Variants in NTNG1 observed in about 807,000 individuals in gnomAD.
NTNG1 encodes the protein netrin G1, also known as netrin-G1.
A neutral mutation model predicts 54.0 loss-of-function variants in NTNG1; 16 were observed. That is an observed-to-expected ratio of 0.30 (90% CI 0.20 to 0.45). NTNG1 has a LOEUF of 0.45. NTNG1 is among the 20% of genes least tolerant of loss of function. The probability of loss-of-function intolerance (pLI) is 1.00; values close to 1 mark genes in which losing one functional copy is unlikely to be tolerated. For synonymous variants in NTNG1, 255 were observed against 263.1 expected (o/e 0.97, Z 0.30); for missense variants, 530 against 678.7 (o/e 0.78, Z 2.43).
At chr1:107,368,739 A>G (rs1670740831) in intron 3 of NTNG1, among the ~76,000 whole-genome samples, 1 of 152,216 alleles carries the variant, frequency 6.6e-6, no homozygotes, top group Admixed American at 6.5e-5. Flanking sequence ...TCAGTTGTTT[A>G]TAATCAGACA....
chr1:107,436,159 T>C lies in NTNG1; in HGVS notation c.1256-506T>C, dbSNP rs186261507. 6.6e-3 allele frequency among the ~76,000 whole-genome samples: 1,011 copies of C among 152,340 alleles called. 10 individuals are homozygous for C. Among genetic ancestry groups the C allele is most frequent in the African/African-American group, 0.023 (966 of 41,586 alleles). ...TAAAGGCTTATCACAAAATGGTATA[T>C]GCATGAATAAGTTAAGATGCTGTCC... On this transcript the variant is annotated intron_variant, in intron 6 of 7. Coordinates refer to ENST00000370068, the MANE Select transcript of NTNG1 (RefSeq NM_001113226.3).
intron 3 of NTNG1, among the ~76,000 whole-genome samples, chr1:107,337,305 G>A (rs766389825): frequency 6.6e-6 from 1 of 151,992 alleles, no homozygotes; most frequent in South Asian, 2.1e-4. Flanking sequence ...TTTGACACAT[G>A]CTACAACATG....
chr1:107,277,273 C>A (rs1047523981), intron 2 of NTNG1, among the ~76,000 whole-genome samples: 2 of 152,066 alleles, frequency 1.3e-5, no homozygotes, highest in South Asian at 4.1e-4. Context: ...GATTTCAGAG[C>A]CCAGAAGCCA....
chr1:107,450,119 C>T (rs1378782696), intron 7 of NTNG1, among the ~76,000 whole-genome samples: 3 of 152,004 alleles, frequency 2.0e-5, no homozygotes, highest in Non-Finnish European at 4.4e-5. Flanking sequence ...ATATTAACAC[C>T]TGTTAATTTT....
At chr1:107,203,054 T>C (rs768920136) in intron 2 of NTNG1, among the ~76,000 whole-genome samples, 4 of 152,022 alleles carry the variant, frequency 2.6e-5, no homozygotes, top group Non-Finnish European at 5.9e-5. Flanking sequence ...TAGCTATATG[T>C]ACACACACTG....
rs17019024 is a variant in NTNG1, at chr1:107,430,337, G to A, written c.1088-413G>A. 6.8e-3 allele frequency among the ~76,000 whole-genome samples: 1,030 copies of A among 152,238 alleles called. 14 individuals are homozygous for A. Among genetic ancestry groups the A allele is most frequent in the African/African-American group, 0.024 (988 of 41,550 alleles). On this transcript the variant is annotated intron_variant, in intron 5 of 7. Coordinates refer to ENST00000370068, the MANE Select transcript of NTNG1 (RefSeq NM_001113226.3). ...TACTTAGACTCTCAATGCTCACACA[G>A]TCCCCTCTCACTTTTTTTAAGGCTG...
chr1:107,361,360 C>CAT (rs10659708), intron 3 of NTNG1, among the ~76,000 whole-genome samples: 47,312 of 108,704 alleles, frequency 0.44, 10,425 homozygotes, highest in East Asian at 0.67. Flanking sequence ...CATTATATAA[C>CAT]ATATATATAT....
intron 2 of NTNG1, among the ~76,000 whole-genome samples, chr1:107,195,788 G>T: frequency 6.6e-6 from 1 of 151,882 alleles, no homozygotes; most frequent in Non-Finnish European, 1.5e-5. Context: ...CATATGACTT[G>T]CTCCCTTGTT....
chr1:107,429,080 G>A (rs17019015), intron 5 of NTNG1, among the ~76,000 whole-genome samples: 21,767 of 151,846 alleles, frequency 0.14, 1,634 homozygotes, highest in Middle Eastern at 0.24. Flanking sequence ...CCCTGTTCAC[G>A]TACACATGGT....
At chr1:107,359,212 A>G (rs1670120142) in intron 3 of NTNG1, among the ~76,000 whole-genome samples, 2 of 152,188 alleles carry the variant, frequency 1.3e-5, no homozygotes. Context: ...GCTCATGACA[A>G]TGTAATTACA....
chr1:107,234,185 T>C (rs1661252240), intron 2 of NTNG1, among the ~76,000 whole-genome samples: 1 of 152,118 alleles, frequency 6.6e-6, no homozygotes, highest in African/African-American at 2.4e-5. Flanking sequence ...AGCAGTGGCA[T>C]GATCTTGGCT....
intron 5 of NTNG1, among the ~76,000 whole-genome samples, chr1:107,420,884 A>G (rs923448329): frequency 6.6e-6 from 1 of 152,056 alleles, no homozygotes; most frequent in African/African-American, 2.4e-5. Context: ...AAACTTCTAA[A>G]TTGTATTACT....
chr1:107,193,058 T>G (rs189456612), intron 2 of NTNG1, among the ~76,000 whole-genome samples: 92 of 152,210 alleles, frequency 6.0e-4, no homozygotes, highest in African/African-American at 1.1e-3. Context: ...TAAATGCCCT[T>G]GAACATATAC....
intron 7 of NTNG1, chr1:107,455,772 G>T: frequency 3.2e-6 from 1 of 311,780 alleles, no homozygotes; most frequent in Non-Finnish European, 7.2e-6. Context: ...TACATGGTCA[G>T]GCTGCCTCTG....
chr1:107,294,023 A>T (rs1247860353), intron 2 of NTNG1, among the ~76,000 whole-genome samples: 1 of 152,230 alleles, frequency 6.6e-6, no homozygotes. Flanking sequence ...TCAGACAGGC[A>T]GCAGCAGTAG....
rs183332622 is a variant in NTNG1, at chr1:107,168,410, T to C, written c.246+19571T>C. On this transcript the variant is annotated intron_variant, in intron 2 of 7. Transcript: ENST00000370068. Reference sequence around the variant, plus strand: ...GTATTTTTCTGATATATAAATCTTATTTGTTTTTAATATTCTGGACAGTTT... The same window carrying C: ...GTATTTTTCTGATATATAAATCTTACTTGTTTTTAATATTCTGGACAGTTT... 6.0e-3 allele frequency among the ~76,000 whole-genome samples: 914 copies of C among 152,232 alleles called. 9 individuals are homozygous for C. Among genetic ancestry groups the C allele is most frequent in the Non-Finnish European group, 8.2e-3 (558 of 67,968 alleles).
chr1:107,346,884 T>TAA (rs537482440), intron 3 of NTNG1, among the ~76,000 whole-genome samples: 30 of 97,132 alleles, frequency 3.1e-4, no homozygotes, highest in African/African-American at 1.0e-3. Context: ...TTTTCTATCC[T>TAA]AAAAAAAAAA....
intron 7 of NTNG1, 104 bp from the exon 8 acceptor site, chr1:107,480,507 G>C (rs755675318): frequency 2.6e-4 from 191 of 722,442 alleles, no homozygotes; most frequent in Non-Finnish European, 4.2e-4. Flanking sequence ...GATCGATAGA[G>C]ATTTTTTTTT....
intron 2 of NTNG1, among the ~76,000 whole-genome samples, chr1:107,261,749 G>A (rs112932809): frequency 3.6e-4 from 54 of 152,108 alleles, no homozygotes; most frequent in African/African-American, 5.8e-4. Flanking sequence ...AGGCTGAGGC[G>A]GGAGAATGGC....
Sources: allele counts gnomAD v4.1 joint callset (sites outside exome capture counted in the v4.1 genomes callset), GRCh38; gene constraint gnomAD v4.1.1; transcripts MANE v1.5; gene names NCBI Gene and HGNC (gene_info 2026-07-23, HGNC 2026-07-21).